KIAA1217: variants seen among roughly 807,000 people sequenced by gnomAD.
KIAA1217 encodes the protein KIAA1217.
A neutral mutation model predicts 163.9 loss-of-function variants in KIAA1217; 88 were observed. The ratio of observed to expected loss-of-function variants is 0.54; its 90% CI spans 0.45 to 0.64. The LOEUF (loss-of-function observed/expected upper bound fraction) is 0.64, where lower values mean the gene tolerates loss of function less well. Among genes scored for constraint, KIAA1217 ranks in the 30% least tolerant of loss-of-function variants. The pLI is 0.00. For synonymous variants in KIAA1217, 903 were observed against 923.1 expected (o/e 0.98, Z 0.39); for missense variants, 2,372 against 2,475.0 (o/e 0.96, Z 0.88).
intron 2 of KIAA1217, among the ~76,000 whole-genome samples, chr10:24,053,007 CTA>C (rs1223233990): frequency 6.6e-6 from 1 of 152,106 alleles, no homozygotes; most frequent in East Asian, 1.9e-4. Context: ...GGTGACAGTG[CTA>C]TAGCAAGTTA....
chr10:23,952,594 G>C (rs1844389799), intron 1 of KIAA1217, among the ~76,000 whole-genome samples: 2 of 152,202 alleles, frequency 1.3e-5, no homozygotes, highest in South Asian at 4.1e-4. Context: ...TTAGGGACAA[G>C]ATTGGGAAAA....
chr10:24,402,434 G>A (rs1201296637), intron 3 of KIAA1217, among the ~76,000 whole-genome samples: 2 of 151,308 alleles, frequency 1.3e-5, no homozygotes, highest in African/African-American at 2.4e-5. Context: ...GCGTGAACCC[G>A]GGAGGCGGAG....
chr10:24,431,621 G>A (rs1232322686), intron 3 of KIAA1217, among the ~76,000 whole-genome samples: 8 of 152,158 alleles, frequency 5.3e-5, no homozygotes, highest in Non-Finnish European at 1.0e-4. Flanking sequence ...CTCCTCAGAA[G>A]CTGAGTTCTG....
At chr10:24,540,444 G>A (rs2074850598) in intron 17 of KIAA1217, among the ~76,000 whole-genome samples, 2 of 152,076 alleles carry the variant, frequency 1.3e-5, no homozygotes, top group South Asian at 4.2e-4. Flanking sequence ...ATGTTGGTCA[G>A]GCTGGTCTCG....
At chr10:24,205,715 G>A (rs370609662), upstream of KIAA1217, among the ~76,000 whole-genome samples, 86 of 152,008 alleles carry the variant, frequency 5.7e-4, no homozygotes, top group South Asian at 7.5e-3. Flanking sequence ...GGAGGTTGCA[G>A]TGAGCCGAGA....
intron 13 of KIAA1217, among the ~76,000 whole-genome samples, chr10:24,527,079 T>C (rs1230334641): frequency 1.3e-5 from 2 of 152,244 alleles, no homozygotes; most frequent in African/African-American, 4.8e-5. Context: ...AGTATGCAGA[T>C]GTTTTAAAAT....
chr10:23,801,075 C>G (rs922834514), intron 1 of KIAA1217, among the ~76,000 whole-genome samples: 2 of 152,134 alleles, frequency 1.3e-5, no homozygotes, highest in African/African-American at 4.8e-5. Context: ...GGAACCAACC[C>G]AAATGCCCAT....
chr10:24,431,594 C>T (rs1276530822), intron 3 of KIAA1217, among the ~76,000 whole-genome samples: 1 of 152,118 alleles, frequency 6.6e-6, no homozygotes, highest in Non-Finnish European at 1.5e-5. Flanking sequence ...TGTGACCTCC[C>T]GTGTGGCTGG....
At chr10:23,989,777 A>G (rs186783942) in intron 1 of KIAA1217, among the ~76,000 whole-genome samples, 119 of 152,354 alleles carry the variant, frequency 7.8e-4, no homozygotes, top group African/African-American at 1.5e-3. Context: ...TTAACAGAGT[A>G]GTTTACATCC....
chr10:23,984,424 T>C (rs190794336), intron 1 of KIAA1217, among the ~76,000 whole-genome samples: 3 of 152,342 alleles, frequency 2.0e-5, no homozygotes, highest in East Asian at 3.9e-4. Flanking sequence ...TACCCAGTAA[T>C]GGGATTGCTG....
intron 2 of KIAA1217, among the ~76,000 whole-genome samples, chr10:24,343,198 T>G (rs1358743950): frequency 6.6e-6 from 1 of 152,218 alleles, no homozygotes; most frequent in Non-Finnish European, 1.5e-5. Flanking sequence ...TTGTTCAAAA[T>G]GTTTACAAAT....
At chr10:24,324,495 A>G (rs2044605634) in intron 2 of KIAA1217, among the ~76,000 whole-genome samples, 1 of 152,182 alleles carries the variant, frequency 6.6e-6, no homozygotes, top group African/African-American at 2.4e-5. Context: ...TGAACCCAGG[A>G]GGCAGAGGTT....
chr10:24,493,949 C>A (rs559513980), intron 6 of KIAA1217, among the ~76,000 whole-genome samples: 1 of 152,088 alleles, frequency 6.6e-6, no homozygotes, highest in South Asian at 2.1e-4. Flanking sequence ...TGTGAGCCAC[C>A]GCGCCCGGCC....
At chr10:23,970,959 T>G (rs377151799) in intron 1 of KIAA1217, among the ~76,000 whole-genome samples, 5 of 152,176 alleles carry the variant, frequency 3.3e-5, no homozygotes, top group African/African-American at 1.2e-4. Context: ...AGTGAAAGTT[T>G]ATTAAAAAGC....
chr10:24,343,616 A>G (rs2047370142), intron 2 of KIAA1217, among the ~76,000 whole-genome samples: 1 of 152,150 alleles, frequency 6.6e-6, no homozygotes, highest in Non-Finnish European at 1.5e-5. Flanking sequence ...CTTTCCTCTC[A>G]TATTTCTGCC....
At chr10:24,420,467 T>C (rs1181165027) in intron 3 of KIAA1217, among the ~76,000 whole-genome samples, 1 of 152,230 alleles carries the variant, frequency 6.6e-6, no homozygotes, top group Non-Finnish European at 1.5e-5. Flanking sequence ...TGGTTTGTCT[T>C]CATTACTTTG....
intron 13 of KIAA1217, among the ~76,000 whole-genome samples, chr10:24,526,395 G>T (rs1434677575): frequency 6.6e-6 from 1 of 152,204 alleles, no homozygotes; most frequent in East Asian, 1.9e-4. Context: ...ACCTAGTAGG[G>T]CAGGGGAGGG....
intron 9 of KIAA1217, among the ~76,000 whole-genome samples, chr10:24,503,351 A>C (rs1013139230): frequency 6.6e-6 from 1 of 152,194 alleles, no homozygotes; most frequent in African/African-American, 2.4e-5. Flanking sequence ...CTCCTAGTGA[A>C]TCTCATCGTC....
chr10:24,302,652 A>G (rs1345785689), intron 2 of KIAA1217, among the ~76,000 whole-genome samples: 1 of 152,188 alleles, frequency 6.6e-6, no homozygotes, highest in Non-Finnish European at 1.5e-5. Context: ...GTGACAGACA[A>G]ACCAATAGAT....
Sources: allele counts gnomAD v4.1 joint callset (sites outside exome capture counted in the v4.1 genomes callset), GRCh38; gene constraint gnomAD v4.1.1; transcripts MANE v1.5; gene names NCBI Gene and HGNC (gene_info 2026-07-23, HGNC 2026-07-21).